Variants in C10orf53 observed in about 807,000 individuals in gnomAD.
C10orf53 encodes UPF0728 protein C10orf53.
C10orf53 carries 8 observed loss-of-function variants against 9.4 expected under a neutral mutation model. The observed-to-expected ratio is 0.85, with a 90% CI of 0.50 to 1.53. The LOEUF (loss-of-function observed/expected upper bound fraction) is 1.53, where lower values mean the gene tolerates loss of function less well. Among genes scored for constraint, C10orf53 ranks in the 40% most tolerant of loss-of-function variants. The probability of loss-of-function intolerance (pLI) is 0.00; values close to 1 mark genes in which losing one functional copy is unlikely to be tolerated. For missense variants in C10orf53, 117 were observed against 117.8 expected (o/e 0.99, Z 0.03); for synonymous variants, 48 against 46.0 (o/e 1.04, Z -0.18).
chr10:49,708,941 G>T (rs1258237), exon 3 of C10orf53: 3,661 of 290,142 alleles, frequency 0.013, 43 homozygotes, highest in Non-Finnish European at 0.02. Context: ...CAGTGCTTTC[G>T]CCCTGCTTTG....
At chr10:49,708,324 T>C in intron 2 of C10orf53, 1 of 1,604,774 alleles carries the variant, frequency 6.2e-7, no homozygotes, top group Non-Finnish European at 8.5e-7. Flanking sequence ...TCTCCATCTC[T>C]TGATGCTGCT....
chr10:49,694,893 A>C lies in C10orf53; in HGVS notation c.*291A>C. On this transcript the variant is annotated 3_prime_UTR_variant, in exon 3 of 3. Transcript: ENST00000374111. ...TGAGCTGAAGGAAACAATAAAATGCAATCAAATAACAAGGTGCCATTCCTG... is the reference window on the plus strand; with the variant it reads ...TGAGCTGAAGGAAACAATAAAATGCCATCAAATAACAAGGTGCCATTCCTG... 8.4e-7 allele frequency: 1 copy of C among 1,185,564 alleles called. No individual in the cohort carries two copies. Among genetic ancestry groups the C allele is most frequent in the African/African-American group, 1.6e-5 (1 of 64,382 alleles). 73.4% of individuals were successfully genotyped at this position (1,185,564 alleles called of 1,614,324 possible). A position where few individuals can be genotyped will look rare whatever the true frequency, so the allele number is the denominator to read the frequency against.
chr10:49,688,981 C>G (rs1480370687), intron 1 of C10orf53, among the ~76,000 whole-genome samples: 1 of 152,192 alleles, frequency 6.6e-6, no homozygotes, highest in East Asian at 1.9e-4. Flanking sequence ...CCTTCTCCCC[C>G]ACTTGGAGGC....
At chr10:49,699,631 A>C (rs1840666065), downstream of C10orf53, among the ~76,000 whole-genome samples, 1 of 152,150 alleles carries the variant, frequency 6.6e-6, no homozygotes, top group East Asian at 1.9e-4. Flanking sequence ...TCCAGTTTAC[A>C]CCTTTGGTCT....
At chr10:49,694,134 G>A (rs1020755786) in intron 2 of C10orf53, 1 of 613,210 alleles carries the variant, frequency 1.6e-6, no homozygotes, top group African/African-American at 1.8e-5. Flanking sequence ...GGAAAATGAA[G>A]TGAAGCCCTG....
At chr10:49,687,085 G>C (rs77516076) in intron 1 of C10orf53, among the ~76,000 whole-genome samples, 1,922 of 152,264 alleles carry the variant, frequency 0.013, 21 homozygotes, top group Non-Finnish European at 0.021. Context: ...GTAGACCTTT[G>C]ACTGTTTTCC....
At chr10:49,682,791 G>T (rs997570193) in intron 1 of C10orf53, among the ~76,000 whole-genome samples, 1 of 151,444 alleles carries the variant, frequency 6.6e-6, no homozygotes, top group Admixed American at 6.6e-5. Flanking sequence ...GTCCCCACCC[G>T]ACCCAGAAGC....
At chr10:49,699,540 A>C (rs372707634), downstream of C10orf53, among the ~76,000 whole-genome samples, 25 of 152,128 alleles carry the variant, frequency 1.6e-4, no homozygotes, top group East Asian at 1.2e-3. Flanking sequence ...GAAAAACCAA[A>C]ACAACCACAT....
chr10:49,699,521 G>A (rs1209027077), downstream of C10orf53, among the ~76,000 whole-genome samples: 4 of 151,918 alleles, frequency 2.6e-5, no homozygotes, highest in African/African-American at 7.3e-5. Context: ...AAAAAAATTG[G>A]TGCCAACTGA....
In C10orf53 at chr10:49,694,828, C is replaced by T. The variant is rs1049973768; in HGVS notation, c.*226C>T. 7.3e-7 allele frequency: 1 copy of T among 1,365,328 alleles called. No homozygotes were observed. Among genetic ancestry groups the T allele is most frequent in the African/African-American group, 1.5e-5 (1 of 68,756 alleles). 84.6% of individuals were successfully genotyped at this position (1,365,328 alleles called of 1,614,324 possible). On this transcript the variant is annotated 3_prime_UTR_variant, in exon 3 of 3. Transcript: ENST00000374111. ...CACATCATTTATAACATGTCTCAAT[C>T]TCAACCCATAGGGAGAGCCCTCCAA...
exon 3 of C10orf53, chr10:49,708,451 C>G (rs745818572): frequency 6.2e-7 from 1 of 1,614,148 alleles, no homozygotes; most frequent in South Asian, 1.1e-5. Context: ...ATGAAAGTTT[C>G]TCCTTTGCAA....
At chr10:49,687,937 G>C (rs1283753468) in intron 1 of C10orf53, among the ~76,000 whole-genome samples, 1 of 152,162 alleles carries the variant, frequency 6.6e-6, no homozygotes, top group Admixed American at 6.5e-5. Context: ...CAGGGTGTGG[G>C]GTGGAATGAA....
At chr10:49,707,310 T>G (rs7915102) in intron 2 of C10orf53, among the ~76,000 whole-genome samples, 1 of 151,984 alleles carries the variant, frequency 6.6e-6, no homozygotes, top group African/African-American at 2.4e-5. Flanking sequence ...AGAGCCCATA[T>G]CCACAGGATG....
At position 49,679,815 on chromosome 10, in the gene C10orf53, C is replaced by T. The variant is rs774124565; in HGVS notation, c.97+21C>T. 8 of 1,523,188 alleles carry T rather than the reference C, an allele frequency of 5.3e-6. No homozygotes were observed. The South Asian group carries it at 6.1e-5, about 12-fold the overall frequency. The allele number at this position is 1,523,188 out of a possible 1,614,324, so 94.4% of individuals were successfully genotyped here. On this transcript the variant is annotated intron_variant, in intron 1 of 2. Transcript: ENST00000374111. ...GCAAGGTGGGCCTCCTCGCCGCGTG[C>T]GCCCCTGAGGGCCCCAGCCTCTGAG...
intron 2 of C10orf53, among the ~76,000 whole-genome samples, chr10:49,703,616 G>T (rs919501201): frequency 2.0e-5 from 3 of 152,152 alleles, no homozygotes; most frequent in Non-Finnish European, 4.4e-5. Context: ...AAGGGAACTT[G>T]GTCACCACTA....
chr10:49,692,692 G>T (rs1000529102), intron 1 of C10orf53, among the ~76,000 whole-genome samples: 1 of 152,188 alleles, frequency 6.6e-6, no homozygotes, highest in South Asian at 2.1e-4. Context: ...GGAAAGTGGG[G>T]AGAAATACAT....
At position 49,682,166 on chromosome 10, in the gene C10orf53, T is replaced by C. The variant is rs368627037; in HGVS notation, c.97+2372T>C. ...ACAATTCAGTGACATTAATTATCTT[T>C]ACAATGTTGTGGAACCATCACTATT... On this transcript the variant is annotated intron_variant, in intron 1 of 2. Coordinates refer to ENST00000374111, the MANE Select transcript of C10orf53 (RefSeq NM_001042427.3). Among the ~76,000 whole-genome samples the C allele has an allele frequency of 4.6e-5, 7 of 152,368 alleles. No individual in the cohort carries two copies. The East Asian group carries it at 5.8e-4, about 13-fold the overall frequency.
chr10:49,705,589 G>T, intron 2 of C10orf53, among the ~76,000 whole-genome samples: 1 of 152,040 alleles, frequency 6.6e-6, no homozygotes. Flanking sequence ...AAAGAATGAA[G>T]TTGGACCCCT....
intron 1 of C10orf53, among the ~76,000 whole-genome samples, chr10:49,693,345 A>AT (rs1046612120): frequency 1.3e-5 from 2 of 152,156 alleles, no homozygotes; most frequent in African/African-American, 4.8e-5. Flanking sequence ...GATTAGAATC[A>AT]TTTTTTGAGG....
Sources: gnomAD v4.1 joint callset for allele counts (sites outside exome capture counted in the v4.1 genomes callset) on GRCh38, gnomAD v4.1.1 for gene constraint, MANE v1.5 for transcripts, NCBI Gene and HGNC (gene_info 2026-07-23, HGNC 2026-07-21) for gene names.